DLG2: variants seen among roughly 807,000 people sequenced by gnomAD.
DLG2 encodes the protein discs large MAGUK scaffold protein 2.
Under a neutral mutation model 132.5 loss-of-function variants are expected in DLG2, and 45 were observed. That is an observed-to-expected ratio of 0.34 (90% CI 0.27 to 0.44). The LOEUF (loss-of-function observed/expected upper bound fraction) is 0.44, where lower values mean the gene tolerates loss of function less well. Among genes scored for constraint, DLG2 ranks in the 20% least tolerant of loss-of-function variants. The probability of loss-of-function intolerance (pLI) is 1.00; values close to 1 mark genes in which losing one functional copy is unlikely to be tolerated. For missense variants in DLG2, 1,045 were observed against 1,196.9 expected, an observed-to-expected ratio of 0.87 and a Z score of 1.87; for synonymous variants, 424 against 419.6, an observed-to-expected ratio of 1.01 and a Z score of -0.13.
chr11:83,650,534 C>G (rs560610400), intron 18 of DLG2, among the ~76,000 whole-genome samples: 1 of 152,216 alleles, frequency 6.6e-6, no homozygotes, highest in African/African-American at 2.4e-5. Flanking sequence ...GCCTCCAAAA[C>G]TGTAAGAGAA....
At chr11:83,837,743 A>AAAAAG (rs938521989) in intron 16 of DLG2, among the ~76,000 whole-genome samples, 1 of 150,330 alleles carries the variant, frequency 6.7e-6, no homozygotes, top group Non-Finnish European at 1.5e-5. Flanking sequence ...AAAAAAAAAA[A>AAAAAG]AAAAGAAAAG....
intron 3 of DLG2, among the ~76,000 whole-genome samples, chr11:85,580,937 C>T (rs1417348327): frequency 2.0e-5 from 3 of 152,070 alleles, no homozygotes; most frequent in Admixed American, 1.3e-4. Flanking sequence ...CATTATCTAC[C>T]CTGTTCTGTG....
chr11:84,522,130 T>C (rs113099944), intron 7 of DLG2, among the ~76,000 whole-genome samples: 7,860 of 150,518 alleles, frequency 0.052, 235 homozygotes, highest in South Asian at 0.083. Flanking sequence ...ATCATGCCAC[T>C]GCACTCCAGC....
At chr11:83,874,929 G>T (rs1184393878) in intron 15 of DLG2, among the ~76,000 whole-genome samples, 2 of 152,032 alleles carry the variant, frequency 1.3e-5, no homozygotes, top group Admixed American at 6.6e-5. Flanking sequence ...TTTGGAAAAG[G>T]TAATTTTTTG....
chr11:84,507,994 T>G (rs1049674947), intron 7 of DLG2, among the ~76,000 whole-genome samples: 1 of 152,232 alleles, frequency 6.6e-6, no homozygotes, highest in African/African-American at 2.4e-5. Flanking sequence ...AATATTTGAT[T>G]TCTTTGATAG....
chr11:84,271,816 A>G (rs1336535889), intron 7 of DLG2, among the ~76,000 whole-genome samples: 1 of 152,178 alleles, frequency 6.6e-6, no homozygotes, highest in Non-Finnish European at 1.5e-5. Context: ...ACTTAAGAAT[A>G]AAATGTTAGG....
chr11:85,460,063 T>C (rs1177519992), intron 3 of DLG2, among the ~76,000 whole-genome samples: 7 of 152,146 alleles, frequency 4.6e-5, no homozygotes, highest in Non-Finnish European at 1.0e-4. Context: ...CCCAGGGAAG[T>C]GCAGAGCTGC....
chr11:84,214,222 C>CAT (rs202021284), intron 8 of DLG2, among the ~76,000 whole-genome samples: 10 of 131,278 alleles, frequency 7.6e-5, no homozygotes, highest in African/African-American at 3.5e-4. Context: ...TATATGAATA[C>CAT]ATATATACAT....
At chr11:84,731,466 G>C (rs1467182572) in intron 6 of DLG2, among the ~76,000 whole-genome samples, 4 of 151,822 alleles carry the variant, frequency 2.6e-5, no homozygotes, top group Non-Finnish European at 5.9e-5. Context: ...GAGGTAGGAA[G>C]GCATAATTAG....
chr11:84,382,794 A>G (rs1192121028), intron 7 of DLG2, among the ~76,000 whole-genome samples: 2 of 151,692 alleles, frequency 1.3e-5, no homozygotes, highest in East Asian at 3.9e-4. Flanking sequence ...TCTCTCTCCT[A>G]CCACTAATGC....
intron 6 of DLG2, among the ~76,000 whole-genome samples, chr11:85,035,868 T>C (rs1017109032): frequency 1.3e-5 from 2 of 152,180 alleles, no homozygotes; most frequent in Admixed American, 6.5e-5. Context: ...CCATCCGTCA[T>C]GCATATTTGG....
intron 3 of DLG2, among the ~76,000 whole-genome samples, chr11:85,459,730 C>A (rs1156609889): frequency 2.0e-5 from 3 of 152,160 alleles, no homozygotes; most frequent in African/African-American, 7.2e-5. Flanking sequence ...GATACCACTG[C>A]AGCTGCAATT....
At chr11:83,877,672 T>G (rs956249411) in intron 15 of DLG2, among the ~76,000 whole-genome samples, 1 of 152,200 alleles carries the variant, frequency 6.6e-6, no homozygotes, top group African/African-American at 2.4e-5. Flanking sequence ...GCATGTAGAT[T>G]TGGAACAAAC....
chr11:85,311,576 G>C (rs1168140928), intron 3 of DLG2, among the ~76,000 whole-genome samples: 3 of 152,026 alleles, frequency 2.0e-5, no homozygotes, highest in Non-Finnish European at 2.9e-5. Context: ...TCAGTCTCTG[G>C]TTACCCATGC....
chr11:84,013,820 T>G (rs755014708), intron 11 of DLG2, among the ~76,000 whole-genome samples: 5 of 144,404 alleles, frequency 3.5e-5, no homozygotes, highest in Non-Finnish European at 7.4e-5. Flanking sequence ...TGAGCTGAGT[T>G]TGCACCACTG....
At chr11:84,861,640 C>CAAAAAAAAAAAAAAAAAAA (rs1248486704) in intron 6 of DLG2, among the ~76,000 whole-genome samples, 2 of 75,652 alleles carry the variant, frequency 2.6e-5, no homozygotes, top group African/African-American at 6.1e-5. Flanking sequence ...AAAAAAAAAA[C>CAAAAAAAAAAAAAAAAAAA]AAAAAAAAAA....
At position 85,162,764 on chromosome 11, in the gene DLG2, A is replaced by T. The variant is rs2088014; in HGVS notation, c.187-8113T>A. Among the ~76,000 whole-genome samples the T allele has an allele frequency of 9.9e-3, 1,506 of 152,218 alleles. 21 individuals are homozygous for T. The highest frequency in any genetic ancestry group is 0.034 in the African/African-American group (1,418 of 41,522). The stretch of plus-strand genomic sequence containing the variant: ...TGGCCTTATTATTGTCTTTATTTGA[A>T]GATTATGTATGATCTCAGGAGATGT... On this transcript the variant is annotated intron_variant, in intron 4 of 27. Coordinates refer to ENST00000376104, the MANE Select transcript of DLG2 (RefSeq NM_001142699.3).
chr11:84,861,754 T>G (rs1261620310), intron 6 of DLG2, among the ~76,000 whole-genome samples: 1 of 149,268 alleles, frequency 6.7e-6, no homozygotes, highest in Non-Finnish European at 1.5e-5. Flanking sequence ...CAAAAACAAA[T>G]TTACAAGAAA....
intron 17 of DLG2, among the ~76,000 whole-genome samples, chr11:83,810,262 T>C (rs1394182430): frequency 6.6e-6 from 1 of 152,082 alleles, no homozygotes; most frequent in Non-Finnish European, 1.5e-5. Flanking sequence ...ACCTATAAGT[T>C]CCTGGCTAAT....
Sources: gnomAD v4.1 joint callset for allele counts (sites outside exome capture counted in the v4.1 genomes callset) on GRCh38, gnomAD v4.1.1 for gene constraint, MANE v1.5 for transcripts, NCBI Gene and HGNC (gene_info 2026-07-23, HGNC 2026-07-21) for gene names.